Variants in HEATR1 observed in about 807,000 individuals in gnomAD.
HEATR1 encodes HEAT repeat-containing protein 1.
In HEATR1, 77 loss-of-function variants were observed where a neutral mutation model predicts 248.2. The ratio of observed to expected loss-of-function variants is 0.31; its 90% CI spans 0.26 to 0.37. The LOEUF is 0.37. Ranked by LOEUF, HEATR1 falls within the 10% of genes least tolerant of loss-of-function variation. The pLI is 1.00. For missense variants in HEATR1, 2,420 were observed against 2,504.9 expected, an observed-to-expected ratio of 0.97 and a Z score of 0.72; for synonymous variants, 897 against 923.1, an observed-to-expected ratio of 0.97 and a Z score of 0.51.
In HEATR1 at chr1:236,555,822, G is replaced by C; in HGVS notation, c.5632C>G (p.Arg1878Gly). 6.2e-7 allele frequency: 1 copy of C among 1,614,102 alleles called. No homozygotes were observed. Among genetic ancestry groups the C allele is most frequent in the Non-Finnish European group, 8.5e-7 (1 of 1,179,968 alleles). The change falls in exon 39 of 45, where the codon CGA becomes GGA. Residue 1878 changes from arginine to glycine, a missense_variant. By Grantham distance (125) the Arg-to-Gly change is moderately radical. Transcript: ENST00000366582. ...TAFFLEALDF[R>G]AQHSENDLEE... ...GAGCTTACCTCAGAGTGCTGGGCTC[G>C]GAAGTCCAGGGCTTCCAGGAAAAAG...
intron 36 of HEATR1, 84 bp from the exon 37 acceptor site, chr1:236,557,429 C>G (rs901804681): frequency 7.0e-7 from 1 of 1,430,044 alleles, no homozygotes; most frequent in African/African-American, 1.4e-5. Flanking sequence ...TGAAAAAAAC[C>G]AGCAAACTGT....
chr1:236,578,680 C>T (rs966839395), intron 20 of HEATR1, among the ~76,000 whole-genome samples: 1 of 152,066 alleles, frequency 6.6e-6, no homozygotes, highest in Non-Finnish European at 1.5e-5. Context: ...AGCCTATTTG[C>T]GAATATTTTC....
intron 5 of HEATR1, among the ~76,000 whole-genome samples, chr1:236,597,256 AT>A (rs10581442): frequency 0.096 from 13,183 of 137,686 alleles, 899 homozygotes; most frequent in African/African-American, 0.22. Flanking sequence ...TTAAAAAAAA[AT>A]TTTTTTTTTT....
In HEATR1 at chr1:236,558,301, C is replaced by T. The variant is rs367715127; in HGVS notation, c.5140G>A (p.Ala1714Thr). 67 of 1,614,086 alleles carry T rather than the reference C, an allele frequency of 4.2e-5. No homozygotes were observed. The highest frequency in any genetic ancestry group is 2.1e-4 in the African/African-American group (16 of 74,932). ...GTCACCTCTGCTATGCACAGCAGCG[C>T]GCTTCCCAGGACATTCTTCTCCTCC... Reference protein sequence around the residue: ...RKEEKNVLGSALLCIAEVTST... With the variant: ...RKEEKNVLGSTLLCIAEVTST... Residue 1714 changes from alanine to threonine, a missense_variant, in exon 36 of 45, where the codon GCG becomes ACG. Coordinates refer to ENST00000366582, the MANE Select transcript of HEATR1 (RefSeq NM_018072.6).
At chr1:236,595,426 G>C in intron 8 of HEATR1, 114 bp downstream of exon 8, 1 of 861,924 alleles carries the variant, frequency 1.2e-6, no homozygotes. Flanking sequence ...AGTTACACAA[G>C]AACAACTGGA....
At chr1:236,564,867 G>A (rs1663228884) in intron 31 of HEATR1, among the ~76,000 whole-genome samples, 1 of 152,198 alleles carries the variant, frequency 6.6e-6, no homozygotes, top group Admixed American at 6.5e-5. Context: ...CAGTGGCCCT[G>A]AGAAGCGAGT....
rs757902623 is a variant in HEATR1 at position 236,582,864 on chromosome 1, A to T, written c.2434T>A (p.Trp812Arg). 1 of 1,614,124 alleles carries T rather than the reference A, an allele frequency of 6.2e-7. No homozygotes were observed. The highest frequency in any genetic ancestry group is 8.5e-7 in the Non-Finnish European group (1 of 1,179,952). ...TCTTTCAGTTGTTCAGGATTCCACCATATATCACCTACAAGGACATGGAAA... is the reference window on the plus strand; with the variant it reads ...TCTTTCAGTTGTTCAGGATTCCACCTTATATCACCTACAAGGACATGGAAA... ...APKSFPKGDI[W>R]WNPEQLKEDS... The change falls in exon 19 of 45, where the codon TGG becomes AGG. Residue 812 changes from tryptophan (W) to arginine (R), a missense_variant. Physicochemically the swap from Trp to Arg is moderately radical, Grantham distance 101. Transcript: ENST00000366582.
intron 20 of HEATR1, among the ~76,000 whole-genome samples, chr1:236,577,225 C>T (rs1663587084): frequency 6.6e-6 from 1 of 152,198 alleles, no homozygotes; most frequent in African/African-American, 2.4e-5. Context: ...AATCTCGGCT[C>T]ACTGCAACCT....
Position 236,574,665 on chromosome 1 carries a change from T to C in HEATR1, c.3323A>G (p.Glu1108Gly), listed in dbSNP as rs377405226. 4 of 1,611,904 alleles carry C rather than the reference T, an allele frequency of 2.5e-6. No individual in the cohort carries two copies. In the African/African-American group the frequency reaches 4.0e-5, roughly 16 times the overall value. ...TTTCTGAAAGAAATCACTGACCTTT[T>C]CAAGGGCTGTGATCTGAATGGTTGG... ...GMPTIQITAL[E>G]KITKPFFAAI... is the part of the protein sequence containing the mutation. The change falls in exon 23 of 45, where the codon GAA (glutamate) becomes GGA (glycine). Residue 1108 changes from glutamate to glycine, a missense_variant. Coordinates refer to ENST00000366582, the MANE Select transcript of HEATR1 (RefSeq NM_018072.6).
At chr1:236,595,039 T>C (rs563750983) in intron 8 of HEATR1, among the ~76,000 whole-genome samples, 3 of 150,586 alleles carry the variant, frequency 2.0e-5, no homozygotes, top group South Asian at 4.3e-4. Flanking sequence ...GCTAGAATTA[T>C]AGGTTTGAGC....
At chr1:236,597,397 C>T (rs1007197524) in intron 5 of HEATR1, among the ~76,000 whole-genome samples, 3 of 151,912 alleles carry the variant, frequency 2.0e-5, no homozygotes, top group African/African-American at 4.8e-5. Context: ...GAATTACAGG[C>T]ATGCCCCACC....
chr1:236,559,850 G>A lies in HEATR1; in HGVS notation c.4647-13C>T. The A allele has an allele frequency of 6.3e-7, 1 of 1,587,756 alleles. No homozygotes were observed. The highest frequency in any genetic ancestry group is 1.1e-5 in the South Asian group (1 of 88,576). On this transcript the variant is annotated splice_polypyrimidine_tract_variant and intron_variant, in intron 33 of 44. Transcript: ENST00000366582. The stretch of plus-strand genomic sequence containing the variant: ...GGTCTCCAGCAACCTGAAACACAGA[G>A]GCTCGCTCAGCAAACGGCAGCTGAA...
At chr1:236,568,801 T>G (rs1421122803) in intron 29 of HEATR1, among the ~76,000 whole-genome samples, 195 bp downstream of exon 29, 1 of 151,506 alleles carries the variant, frequency 6.6e-6, no homozygotes, top group Admixed American at 6.6e-5. Flanking sequence ...TTGCCAAGAC[T>G]GCTTCTTAGC....
intron 17 of HEATR1, among the ~76,000 whole-genome samples, chr1:236,583,612 G>A (rs1452285641): frequency 2.0e-5 from 3 of 150,988 alleles, no homozygotes; most frequent in South Asian, 2.1e-4. Flanking sequence ...TCAGCCTCCC[G>A]AGTAGGAAGG....
chr1:236,603,809 T>C, intron 2 of HEATR1, 145 bp downstream of exon 2: 3 of 881,592 alleles, frequency 3.4e-6, no homozygotes, highest in Non-Finnish European at 5.1e-6. Flanking sequence ...TTATGTTCTC[T>C]TTCCCTTAAA....
intron 43 of HEATR1, among the ~76,000 whole-genome samples, chr1:236,553,235 C>A (rs1188611070): frequency 6.6e-6 from 1 of 152,188 alleles, no homozygotes; most frequent in Non-Finnish European, 1.5e-5. Flanking sequence ...GCATTTCTCT[C>A]TGGAGCACAA....
intron 20 of HEATR1, among the ~76,000 whole-genome samples, chr1:236,579,459 A>G (rs1663651466): frequency 1.3e-5 from 2 of 152,254 alleles, no homozygotes; most frequent in South Asian, 4.1e-4. Flanking sequence ...GTTATCTCTA[A>G]ATAAAATATA....
intron 20 of HEATR1, 28 bp from the exon 21 acceptor site, chr1:236,576,977 GAAAC>G (rs1405222907): frequency 2.6e-6 from 4 of 1,529,708 alleles, no homozygotes. Flanking sequence ...AAAAATTTAA[GAAAC>G]AATTTTAAAA....
chr1:236,553,794 T>C (rs550659576), intron 42 of HEATR1, 55 bp from the exon 43 acceptor site: 466 of 1,533,886 alleles, frequency 3.0e-4, no homozygotes, highest in Non-Finnish European at 3.9e-4. Flanking sequence ...TTTCTTCTGT[T>C]TGAAAAAATA....
Sources: gnomAD v4.1 joint callset for allele counts (sites outside exome capture counted in the v4.1 genomes callset) on GRCh38, gnomAD v4.1.1 for gene constraint, MANE v1.5 for transcripts, NCBI Gene and HGNC (gene_info 2026-07-23, HGNC 2026-07-21) for gene names.